KCNH7: variants seen among roughly 807,000 people sequenced by gnomAD.
The protein encoded by KCNH7 is potassium voltage-gated channel subfamily H member 7.
Under a neutral mutation model 120.8 loss-of-function variants are expected in KCNH7, and 49 were observed. That is an observed-to-expected ratio of 0.41 (90% confidence interval 0.32 to 0.51). The LOEUF is 0.51. KCNH7 is among the 20% of genes least tolerant of loss of function. The pLI is 0.38. For missense variants in KCNH7, 1,097 were observed against 1,446.6 expected, an observed-to-expected ratio of 0.76 and a Z score of 3.92; for synonymous variants, 547 against 516.1, an observed-to-expected ratio of 1.06 and a Z score of -0.81.
At chr2:162,651,868 A>AT (rs1684578750) in intron 2 of KCNH7, among the ~76,000 whole-genome samples, 3 of 152,172 alleles carry the variant, frequency 2.0e-5, no homozygotes, top group Admixed American at 1.3e-4. Flanking sequence ...AGCATCTGCT[A>AT]TTTTTTGGCT....
chr2:162,694,987 C>T (rs899345777), intron 2 of KCNH7, among the ~76,000 whole-genome samples: 1 of 152,052 alleles, frequency 6.6e-6, no homozygotes. Flanking sequence ...GTGATCCACC[C>T]GCCTCGGCCT....
chr2:162,441,999 C>CTGTTTTTTTT (rs1688430779), intron 7 of KCNH7, among the ~76,000 whole-genome samples: 2 of 41,526 alleles, frequency 4.8e-5, no homozygotes, highest in African/African-American at 6.5e-5. Flanking sequence ...GTTAGGTCTT[C>CTGTTTTTTTT]TTTTTTTTTT....
intron 2 of KCNH7, among the ~76,000 whole-genome samples, chr2:162,746,755 G>A (rs915871152): frequency 2.6e-5 from 4 of 151,952 alleles, no homozygotes; most frequent in Admixed American, 6.6e-5. Context: ...TTTTATTTCT[G>A]CAAAGAAAAC....
At chr2:162,503,469 T>C (rs1409821991) in intron 6 of KCNH7, among the ~76,000 whole-genome samples, 1 of 151,994 alleles carries the variant, frequency 6.6e-6, no homozygotes, top group Non-Finnish European at 1.5e-5. Flanking sequence ...AAGAATGGCG[T>C]GTATAATTTC....
chr2:162,648,332 C>T (rs558453918), intron 2 of KCNH7, among the ~76,000 whole-genome samples: 52 of 152,218 alleles, frequency 3.4e-4, no homozygotes, highest in African/African-American at 1.2e-3. Context: ...AACCAGATCT[C>T]CTGAGAAGTA....
rs547045508 is a variant in KCNH7 at position 162,647,485 on chromosome 2, A to G, written c.308-110405T>C. Among the ~76,000 whole-genome samples, 9 of 152,308 alleles carry G rather than the reference A, an allele frequency of 5.9e-5. No homozygotes were observed. The South Asian group carries it at 1.7e-3, about 28-fold the overall frequency. On this transcript the variant is annotated intron_variant, in intron 2 of 15. Transcript: ENST00000332142. Reference sequence around the variant, plus strand: ...CCTAATATGGTTGGCTGTGTCCCCAACCAAATATCACCTTGAATTGTAATA... The same window carrying G: ...CCTAATATGGTTGGCTGTGTCCCCAGCCAAATATCACCTTGAATTGTAATA...
At chr2:162,673,712 GAATA>G in intron 2 of KCNH7, among the ~76,000 whole-genome samples, 1 of 151,960 alleles carries the variant, frequency 6.6e-6, no homozygotes. Context: ...GTAACATGAG[GAATA>G]AATGAGTGTT....
intron 2 of KCNH7, among the ~76,000 whole-genome samples, chr2:162,820,632 T>C (rs1685088426): frequency 6.6e-6 from 1 of 152,176 alleles, no homozygotes; most frequent in African/African-American, 2.4e-5. Flanking sequence ...TCTTTCTTTC[T>C]TTTTCTTTCT....
At chr2:162,407,448 G>T (rs1348685635) in intron 9 of KCNH7, among the ~76,000 whole-genome samples, 1 of 151,984 alleles carries the variant, frequency 6.6e-6, no homozygotes, top group Non-Finnish European at 1.5e-5. Flanking sequence ...AATTAAGTCA[G>T]GGCCAAGGAT....
Position 162,468,671 on chromosome 2 carries a change from C to T in KCNH7, c.1129-22228G>A, listed in dbSNP as rs150415527. ...AAATAGCTGGGACTACAGGTACGTG[C>T]CACCATGCCTGACTAATTTTTTGTA... On this transcript the variant is annotated intron_variant, in intron 6 of 15. Coordinates refer to ENST00000332142, the MANE Select transcript of KCNH7 (RefSeq NM_033272.4). Among the ~76,000 whole-genome samples the T allele has an allele frequency of 8.2e-3, 1,237 of 151,676 alleles. 20 individuals are homozygous for T. Among genetic ancestry groups the T allele is most frequent in the African/African-American group, 0.029 (1,180 of 41,342 alleles).
chr2:162,804,335 C>T (rs552437926), intron 2 of KCNH7, among the ~76,000 whole-genome samples: 6 of 151,888 alleles, frequency 4.0e-5, no homozygotes, highest in Admixed American at 1.3e-4. Context: ...CCTACAAACG[C>T]CTCCAAAAGA....
chr2:162,479,885 G>A (rs1166092551), intron 6 of KCNH7, among the ~76,000 whole-genome samples: 1 of 152,056 alleles, frequency 6.6e-6, no homozygotes, highest in African/African-American at 2.4e-5. Flanking sequence ...AATAAATGCA[G>A]GCTGAACCTC....
intron 10 of KCNH7, 55 bp downstream of exon 10, chr2:162,400,134 T>C: frequency 6.4e-7 from 1 of 1,568,452 alleles, no homozygotes; most frequent in East Asian, 2.3e-5. Context: ...CATTTTAAAC[T>C]ATGCATTACA....
At chr2:162,492,331 C>G (rs1398691954) in intron 6 of KCNH7, among the ~76,000 whole-genome samples, 1 of 152,154 alleles carries the variant, frequency 6.6e-6, no homozygotes, top group Non-Finnish European at 1.5e-5. Flanking sequence ...GCAAATTGGT[C>G]AGTAACAAAC....
chr2:162,534,970 A>G (rs892102764), intron 3 of KCNH7, among the ~76,000 whole-genome samples: 3 of 151,804 alleles, frequency 2.0e-5, no homozygotes. Flanking sequence ...TCATTTATAA[A>G]ATATATTTTT....
At chr2:162,651,011 G>GA (rs1157589965) in intron 2 of KCNH7, among the ~76,000 whole-genome samples, 1 of 152,074 alleles carries the variant, frequency 6.6e-6, no homozygotes, top group East Asian at 1.9e-4. Context: ...TTATTGTCTT[G>GA]AAAAATGCAT....
chr2:162,797,322 G>C (rs1684181964), intron 2 of KCNH7: 1 of 152,042 alleles, frequency 6.6e-6, no homozygotes, highest in Non-Finnish European at 1.5e-5. Flanking sequence ...AGTCACCTGG[G>C]AGAACTGATC....
chr2:162,585,318 C>T (rs73026660), intron 2 of KCNH7, among the ~76,000 whole-genome samples: 4,266 of 152,080 alleles, frequency 0.028, 226 homozygotes, highest in African/African-American at 0.098. Context: ...ACTTTTTCTG[C>T]CAGGATCTTT....
intron 9 of KCNH7, among the ~76,000 whole-genome samples, chr2:162,412,856 T>C (rs1687430398): frequency 6.6e-6 from 1 of 152,198 alleles, no homozygotes; most frequent in Non-Finnish European, 1.5e-5. Context: ...TCCGTGCCTA[T>C]GCTCATAATT....
Sources: allele counts gnomAD v4.1 joint callset (sites outside exome capture counted in the v4.1 genomes callset), GRCh38; gene constraint gnomAD v4.1.1; transcripts MANE v1.5; gene names NCBI Gene and HGNC (gene_info 2026-07-23, HGNC 2026-07-21).